Variants in EPHB1 observed in about 807,000 individuals in gnomAD.
EPHB1 encodes ephrin type-B receptor 1.
EPHB1 carries 30 observed loss-of-function variants against 94.4 expected under a neutral mutation model. The observed-to-expected ratio is 0.32, with a 90% confidence interval of 0.24 to 0.43. The LOEUF (loss-of-function observed/expected upper bound fraction) is 0.43. Among genes scored for constraint, EPHB1 ranks in the 20% least tolerant of loss-of-function variants. The pLI is 1.00. For synonymous variants in EPHB1, 522 were observed against 489.1 expected, an observed-to-expected ratio of 1.07 and a Z score of -0.89; for missense variants, 1,055 against 1,308.3, an observed-to-expected ratio of 0.81 and a Z score of 2.99.
chr3:135,187,173 G>T (rs572547298), intron 10 of EPHB1, among the ~76,000 whole-genome samples: 17 of 152,324 alleles, frequency 1.1e-4, no homozygotes, highest in African/African-American at 3.8e-4. Flanking sequence ...CCCAATGTCA[G>T]ACACAAAGAT....
At chr3:135,105,347 T>C (rs760676684) in intron 3 of EPHB1, among the ~76,000 whole-genome samples, 8 of 152,180 alleles carry the variant, frequency 5.3e-5, no homozygotes, top group Non-Finnish European at 8.8e-5. Context: ...AATGAAGTAA[T>C]GAGGTGTGTA....
At chr3:135,213,548 A>G (rs1018014254) in intron 12 of EPHB1, among the ~76,000 whole-genome samples, 2 of 152,206 alleles carry the variant, frequency 1.3e-5, no homozygotes, top group African/African-American at 2.4e-5. Flanking sequence ...GGGCATGCAC[A>G]TACCAGGAAA....
At chr3:135,208,193 A>G (rs1374223227) in intron 12 of EPHB1, among the ~76,000 whole-genome samples, 2 of 152,110 alleles carry the variant, frequency 1.3e-5, no homozygotes, top group East Asian at 1.9e-4. Context: ...TTAGGGAGGA[A>G]GCATCCAAGG....
intron 3 of EPHB1, among the ~76,000 whole-genome samples, chr3:135,051,156 T>A (rs188892477): frequency 1.3e-5 from 2 of 152,230 alleles, no homozygotes; most frequent in East Asian, 3.9e-4. Context: ...GATCCACTGG[T>A]AGTAGCTAAT....
Position 134,810,276 on chromosome 3 carries a change from A to AGTGTGTGTGTGTGTGTGTGT in EPHB1, c.58+14602_58+14621dup, listed in dbSNP as rs35841212. Among the ~76,000 whole-genome samples, 101 of 145,890 alleles carry AGTGTGTGTGTGTGTGTGTGT rather than the reference A, an allele frequency of 6.9e-4. 1 individual carries two copies. The highest frequency in any genetic ancestry group is 5.2e-3 in the South Asian group (23 of 4,404). ...CTTGAAGCGTGGGTAGCACAGGAGG[A>AGTGTGTGTGTGTGTGTGTGT]GTGTGTGTGTGTGTGTGTGTGTGTG... On this transcript the variant is annotated intron_variant, in intron 1 of 15. Coordinates refer to ENST00000398015, the MANE Select transcript of EPHB1 (RefSeq NM_004441.5).
chr3:135,030,931 C>T (rs1256579960), intron 3 of EPHB1, among the ~76,000 whole-genome samples: 1 of 152,164 alleles, frequency 6.6e-6, no homozygotes, highest in African/African-American at 2.4e-5. Context: ...CGTGGTGCGC[C>T]ATTTTTTAAG....
chr3:135,169,845 C>T (rs1941754503), intron 9 of EPHB1, among the ~76,000 whole-genome samples: 1 of 152,228 alleles, frequency 6.6e-6, no homozygotes, highest in Admixed American at 6.5e-5. Context: ...TACACACCCT[C>T]TAAGCCGGCT....
chr3:134,895,860 C>T (rs1385321004), intron 1 of EPHB1, among the ~76,000 whole-genome samples: 2 of 152,172 alleles, frequency 1.3e-5, no homozygotes, highest in Non-Finnish European at 2.9e-5. Flanking sequence ...TTGAAATGAG[C>T]ATGGGTCCCT....
chr3:135,134,991 C>G (rs907267077), intron 5 of EPHB1, among the ~76,000 whole-genome samples: 2 of 152,154 alleles, frequency 1.3e-5, no homozygotes, highest in African/African-American at 2.4e-5. Flanking sequence ...GACCAAGGCT[C>G]TTGCAAGGGG....
intron 9 of EPHB1, among the ~76,000 whole-genome samples, chr3:135,168,034 G>A (rs949199443): frequency 6.6e-6 from 1 of 152,170 alleles, no homozygotes; most frequent in Non-Finnish European, 1.5e-5. Flanking sequence ...GTTACCCAAG[G>A]CGGGAAAGTG....
At chr3:135,092,081 T>C (rs1194787535) in intron 3 of EPHB1, among the ~76,000 whole-genome samples, 1 of 152,182 alleles carries the variant, frequency 6.6e-6, no homozygotes, top group Non-Finnish European at 1.5e-5. Flanking sequence ...TTTGAAAACG[T>C]GGGAAGCAGC....
chr3:135,150,653 A>G (rs1344456212), intron 5 of EPHB1, among the ~76,000 whole-genome samples: 1 of 152,030 alleles, frequency 6.6e-6, no homozygotes, highest in Non-Finnish European at 1.5e-5. Flanking sequence ...CTTCTGCTTC[A>G]TTGGTGGCTT....
chr3:134,832,544 C>G (rs991556561), intron 1 of EPHB1, among the ~76,000 whole-genome samples: 1 of 152,212 alleles, frequency 6.6e-6, no homozygotes, highest in Admixed American at 6.5e-5. Flanking sequence ...TACCCACATA[C>G]AAACTGTACC....
intron 11 of EPHB1, among the ~76,000 whole-genome samples, chr3:135,196,288 C>G (rs1366643502): frequency 6.6e-6 from 1 of 152,010 alleles, no homozygotes. Flanking sequence ...TGTAGGTTGC[C>G]TAGGGCCTGT....
chr3:135,027,065 G>A (rs1401466002), intron 3 of EPHB1, among the ~76,000 whole-genome samples: 1 of 144,290 alleles, frequency 6.9e-6, no homozygotes, highest in Non-Finnish European at 1.5e-5. Flanking sequence ...CATTGATTTT[G>A]TATCCTGAGA....
At chr3:135,203,911 G>A (rs1180031632) in intron 12 of EPHB1, among the ~76,000 whole-genome samples, 1 of 152,160 alleles carries the variant, frequency 6.6e-6, no homozygotes, top group Non-Finnish European at 1.5e-5. Context: ...GCCTGGAGGT[G>A]ATCCACCCTC....
intron 1 of EPHB1, among the ~76,000 whole-genome samples, chr3:134,825,417 G>T (rs2036459761): frequency 6.6e-6 from 1 of 152,242 alleles, no homozygotes; most frequent in African/African-American, 2.4e-5. Flanking sequence ...CAGCAATTGA[G>T]ATTGAATGAG....
intron 2 of EPHB1, among the ~76,000 whole-genome samples, chr3:134,938,185 A>T (rs1285361768): frequency 6.6e-6 from 1 of 152,148 alleles, no homozygotes; most frequent in African/African-American, 2.4e-5. Context: ...TCACTGTTGC[A>T]GTGTCAACAG....
intron 1 of EPHB1, among the ~76,000 whole-genome samples, chr3:134,870,547 A>G (rs2037478370): frequency 6.6e-6 from 1 of 152,196 alleles, no homozygotes; most frequent in African/African-American, 2.4e-5. Context: ...CAGACACAAC[A>G]AATTCTGAAT....
Sources: gnomAD v4.1 joint callset for allele counts (sites outside exome capture counted in the v4.1 genomes callset) on GRCh38, gnomAD v4.1.1 for gene constraint, MANE v1.5 for transcripts, NCBI Gene and HGNC (gene_info 2026-07-23, HGNC 2026-07-21) for gene names.